ATL2: variants seen among roughly 807,000 people sequenced by gnomAD.
The protein encoded by ATL2 is atlastin-2.
A neutral mutation model predicts 73.9 loss-of-function variants in ATL2; 31 were observed. The ratio of observed to expected loss-of-function variants is 0.42; its 90% CI spans 0.32 to 0.57. The LOEUF is 0.57. Ranked by LOEUF, ATL2 falls within the 20% of genes least tolerant of loss-of-function variation. The pLI, the probability that ATL2 is intolerant of heterozygous loss-of-function variation, is 0.14. For missense variants in ATL2, 738 were observed against 702.6 expected, an observed-to-expected ratio of 1.05 and a Z score of -0.57; for synonymous variants, 291 against 237.5, an observed-to-expected ratio of 1.23 and a Z score of -2.07.
At chr2:38,365,606 T>C (rs1007945618) in intron 1 of ATL2, among the ~76,000 whole-genome samples, 4 of 151,994 alleles carry the variant, frequency 2.6e-5, no homozygotes, top group Non-Finnish European at 4.4e-5. Context: ...CTGCCCAACA[T>C]AGTGAAACCC....
chr2:38,343,868 T>C (rs1669870192), intron 1 of ATL2, among the ~76,000 whole-genome samples: 1 of 152,152 alleles, frequency 6.6e-6, no homozygotes. Context: ...TTGATGATTT[T>C]ATAAGAGGTT....
chr2:38,325,779 G>C (rs1404645713), intron 2 of ATL2, among the ~76,000 whole-genome samples: 1 of 136,926 alleles, frequency 7.3e-6, no homozygotes, highest in Non-Finnish European at 1.6e-5. Context: ...CACAACAAAA[G>C]CCTGCCCTCC....
At chr2:38,371,287 A>C (rs1346492932) in intron 1 of ATL2, among the ~76,000 whole-genome samples, 1 of 152,008 alleles carries the variant, frequency 6.6e-6, no homozygotes, top group Non-Finnish European at 1.5e-5. Flanking sequence ...TGGAAGGATC[A>C]CTTGAGTCCA....
intron 2 of ATL2, among the ~76,000 whole-genome samples, chr2:38,324,766 C>G (rs1573483285): frequency 6.6e-6 from 1 of 152,144 alleles, no homozygotes; most frequent in African/African-American, 2.4e-5. Context: ...AGACACTATG[C>G]TAAATGAAAT....
chr2:38,377,045 G>A lies in ATL2; in HGVS notation c.118+98C>T, dbSNP rs1573616370. On this transcript the variant is annotated intron_variant, in intron 1 of 12. Transcript: ENST00000378954. ...CGGGAGGAGACCTGAACCAGCCGCG[G>A]ACTCCGACCCCGCCGCCTGCGGCCG... 10 of 1,148,596 alleles carry A rather than the reference G, an allele frequency of 8.7e-6. No individual in the cohort carries two copies. The East Asian group carries it at 2.0e-4, about 23-fold the overall frequency. The allele number at this position is 1,148,596 out of a possible 1,614,324, so 71.2% of individuals were successfully genotyped here. A position where few individuals can be genotyped will look rare whatever the true frequency, so the allele number is the denominator to read the frequency against.
At chr2:38,334,879 TATATAATATATAATA>T (rs1669228000) in intron 2 of ATL2, among the ~76,000 whole-genome samples, 1 of 33,796 alleles carries the variant, frequency 3.0e-5, no homozygotes, top group East Asian at 3.4e-3. Flanking sequence ...TAATATATAT[TATATAATATATAATA>T]TATATTATTT....
At chr2:38,315,145 G>T (rs1426068296) in intron 5 of ATL2, 139 bp downstream of exon 5, 9 of 818,154 alleles carry the variant, frequency 1.1e-5, no homozygotes, top group Non-Finnish European at 1.2e-5. Flanking sequence ...CAGCTACTTG[G>T]GAGGCTGAGG....
chr2:38,314,058 C>T (rs1054638883), intron 6 of ATL2, among the ~76,000 whole-genome samples: 1 of 152,158 alleles, frequency 6.6e-6, no homozygotes, highest in Non-Finnish European at 1.5e-5. Context: ...AGTAGCAATG[C>T]TGTCATACCG....
At chr2:38,376,780 C>T (rs1671995198) in intron 1 of ATL2, among the ~76,000 whole-genome samples, 1 of 151,858 alleles carries the variant, frequency 6.6e-6, no homozygotes, top group South Asian at 2.1e-4. Context: ...GAGCCGCAGC[C>T]GACCTCCCCG....
chr2:38,364,927 C>T (rs1671223680), intron 1 of ATL2, among the ~76,000 whole-genome samples: 1 of 152,036 alleles, frequency 6.6e-6, no homozygotes, highest in African/African-American at 2.4e-5. Flanking sequence ...GCCTGTAGTC[C>T]CAGCTACTAG....
intron 4 of ATL2, among the ~76,000 whole-genome samples, chr2:38,315,619 T>G (rs1393197527): frequency 6.6e-6 from 1 of 152,196 alleles, no homozygotes; most frequent in Non-Finnish European, 1.5e-5. Context: ...TGGTATCTAG[T>G]AGGTTTCTTG....
intron 1 of ATL2, among the ~76,000 whole-genome samples, chr2:38,363,317 C>T (rs1423381413): frequency 2.7e-5 from 4 of 147,950 alleles, no homozygotes; most frequent in African/African-American, 1.0e-4. Flanking sequence ...ATGCTCAGTA[C>T]TTCTAGAAAC....
intron 1 of ATL2, chr2:38,354,180 G>C (rs1049412611): frequency 2.5e-6 from 1 of 397,788 alleles, no homozygotes; most frequent in Non-Finnish European, 4.6e-6. Flanking sequence ...GCAAGACTCT[G>C]TCTCAAAAAA....
chr2:38,300,815 C>T (rs1483963307), intron 9 of ATL2, among the ~76,000 whole-genome samples: 1 of 149,202 alleles, frequency 6.7e-6, no homozygotes, highest in Non-Finnish European at 1.5e-5. Flanking sequence ...CCACATCCAG[C>T]TGAAGAAACA....
At chr2:38,296,323 A>G (rs2148395753) in intron 12 of ATL2, 1 of 1,447,514 alleles carries the variant, frequency 6.9e-7, no homozygotes, top group East Asian at 2.5e-5. Context: ...CAAACCATTT[A>G]CAATTCCTAT....
intron 1 of ATL2, among the ~76,000 whole-genome samples, chr2:38,348,466 CA>C (rs57894810): frequency 0.12 from 15,657 of 133,932 alleles, 2,636 homozygotes; most frequent in African/African-American, 0.38. Context: ...AACTCCATCT[CA>C]AAAAAAAAAA....
At chr2:38,312,332 A>G (rs928778124) in intron 7 of ATL2, among the ~76,000 whole-genome samples, 3 of 152,198 alleles carry the variant, frequency 2.0e-5, no homozygotes, top group Admixed American at 1.3e-4. Context: ...TTCTTTTAAC[A>G]GTGAGTGAGT....
chr2:38,319,625 G>A (rs2148438439), intron 2 of ATL2, among the ~76,000 whole-genome samples: 1 of 151,396 alleles, frequency 6.6e-6, no homozygotes, highest in Non-Finnish European at 1.5e-5. Flanking sequence ...AAGAGAGAGA[G>A]AGAGAGAGAC....
At chr2:38,329,086 A>C (rs1668829692) in intron 2 of ATL2, among the ~76,000 whole-genome samples, 1 of 151,206 alleles carries the variant, frequency 6.6e-6, no homozygotes, top group Admixed American at 6.6e-5. Flanking sequence ...GAAAGAAACA[A>C]ACTACCAAAC....
Sources: allele counts gnomAD v4.1 joint callset (sites outside exome capture counted in the v4.1 genomes callset), GRCh38; gene constraint gnomAD v4.1.1; transcripts MANE v1.5; gene names NCBI Gene and HGNC (gene_info 2026-07-23, HGNC 2026-07-21).